The following PKD1L1 variants were observed in gnomAD, a reference collection of about 807,000 sequenced individuals.
The protein encoded by PKD1L1 is polycystin-1-like protein 1.
PKD1L1 carries 236 observed loss-of-function variants against 323.4 expected under a neutral mutation model. That is an observed-to-expected ratio of 0.73 (90% CI 0.66 to 0.81). The LOEUF (loss-of-function observed/expected upper bound fraction) is 0.81, where lower values mean the gene tolerates loss of function less well. PKD1L1 is among the 40% of genes least tolerant of loss of function. The pLI is 0.00. For synonymous variants in PKD1L1, 1,344 were observed against 1,335.0 expected (o/e 1.01, Z -0.15); for missense variants, 3,320 against 3,508.0 (o/e 0.95, Z 1.35).
intron 21 of PKD1L1, among the ~76,000 whole-genome samples, chr7:47,880,284 A>ATATATATATTTTTTTTTTTTT (rs1225214936): frequency 3.5e-5 from 2 of 56,816 alleles, no homozygotes; most frequent in African/African-American, 1.1e-4. Context: ...ATATATATAT[A>ATATATATATTTTTTTTTTTTT]TTTTTTTTTT....
At chr7:47,928,130 T>A (rs1283013045) in intron 7 of PKD1L1, among the ~76,000 whole-genome samples, 1 of 152,258 alleles carries the variant, frequency 6.6e-6, no homozygotes, top group African/African-American at 2.4e-5. Context: ...ACACTTATAC[T>A]TGTTTATACA....
intron 46 of PKD1L1, chr7:47,819,516 C>G: frequency 7.4e-7 from 1 of 1,344,078 alleles, no homozygotes; most frequent in Non-Finnish European, 9.9e-7. Context: ...GCACCACCTA[C>G]TGGCACAGGC....
chr7:47,776,916 G>T (rs1303722883), intron 56 of PKD1L1, among the ~76,000 whole-genome samples: 1 of 151,834 alleles, frequency 6.6e-6, no homozygotes, highest in East Asian at 1.9e-4. Flanking sequence ...TTTTGAGAAG[G>T]AGTCTTGCTC....
At position 47,780,385 on chromosome 7, in the gene PKD1L1, A is replaced by G. The variant is rs1177323833; in HGVS notation, c.8527-5219T>C. ...TGTGGCTCATGCCTGTAATCCCAGC[A>G]TTTTAGGAGGCTGAGGTGGGTGGAT... On this transcript the variant is annotated intron_variant, in intron 56 of 56. Coordinates refer to ENST00000289672, the MANE Select transcript of PKD1L1 (RefSeq NM_138295.5). Among the ~76,000 whole-genome samples, 5 of 152,242 alleles carry G rather than the reference A, an allele frequency of 3.3e-5. No homozygotes were observed. In the East Asian group the frequency reaches 9.6e-4, roughly 29 times the overall value.
At chr7:47,807,651 C>T (rs1784809050) in intron 52 of PKD1L1, among the ~76,000 whole-genome samples, 1 of 152,126 alleles carries the variant, frequency 6.6e-6, no homozygotes, top group South Asian at 2.1e-4. Flanking sequence ...GGGATCCTGC[C>T]CCATCTCATC....
intron 2 of PKD1L1, among the ~76,000 whole-genome samples, 169 bp downstream of exon 2, chr7:47,943,227 T>C (rs1788033925): frequency 6.7e-6 from 1 of 150,126 alleles, no homozygotes; most frequent in African/African-American, 2.4e-5. Context: ...ATGTGGACTA[T>C]TTAAGTTAGA....
At chr7:47,776,139 T>C (rs1320471243) in intron 56 of PKD1L1, among the ~76,000 whole-genome samples, 2 of 152,230 alleles carry the variant, frequency 1.3e-5, no homozygotes, top group Non-Finnish European at 2.9e-5. Flanking sequence ...ATAGATAAGC[T>C]GTATAGTCCT....
intron 6 of PKD1L1, among the ~76,000 whole-genome samples, chr7:47,930,248 C>T (rs533629870): frequency 4.0e-5 from 6 of 151,226 alleles, no homozygotes; most frequent in Non-Finnish European, 8.8e-5. Context: ...TTCCAGTGTG[C>T]TGTGCATGTC....
chr7:47,952,369 G>C (rs1244116034), upstream of PKD1L1, among the ~76,000 whole-genome samples: 3 of 152,174 alleles, frequency 2.0e-5, no homozygotes, highest in African/African-American at 7.2e-5. Context: ...ATTCAAATCA[G>C]GGGTGGCTTT....
intron 56 of PKD1L1, among the ~76,000 whole-genome samples, chr7:47,779,892 A>G (rs982496135): frequency 1.3e-5 from 2 of 152,198 alleles, no homozygotes; most frequent in Non-Finnish European, 2.9e-5. Flanking sequence ...CAGAAAGAGC[A>G]CTTGTTATGC....
intron 21 of PKD1L1, among the ~76,000 whole-genome samples, chr7:47,878,407 G>T (rs9918571): frequency 0.36 from 55,117 of 152,066 alleles, 11,354 homozygotes; most frequent in African/African-American, 0.56. Context: ...ATGGATTATA[G>T]AAATGAAATT....
the PKD1L1 span, among the ~76,000 whole-genome samples, chr7:47,958,239 A>C: frequency 2.0e-5 from 3 of 152,250 alleles, no homozygotes; most frequent in Non-Finnish European, 4.4e-5. Context: ...ACTGGTATAA[A>C]AACAGATAGA....
rs575902202 is a variant in PKD1L1 at position 47,946,017 on chromosome 7, TA to T, written c.44+2379del. Among the ~76,000 whole-genome samples, 1 of 151,706 alleles carries T rather than the reference TA, an allele frequency of 6.6e-6. No individual in the cohort carries two copies. Among genetic ancestry groups the T allele is most frequent in the Non-Finnish European group, 1.5e-5 (1 of 67,870 alleles). On this transcript the variant is annotated intron_variant, in intron 1 of 56. Coordinates refer to ENST00000289672, the MANE Select transcript of PKD1L1 (RefSeq NM_138295.5). The surrounding 1 kb of genome is among the most constrained non-coding windows in gnomAD (Gnocchi z 4.1). The stretch of plus-strand genomic sequence containing the variant: ...TTGAGATTTCAGAGGTCTTTTCAAA[TA>T]AAAAAAATGGAAGGGGGAGATAATT...
chr7:47,929,191 C>CCATG lies in PKD1L1; in HGVS notation c.1060+9_1060+12dup. The CCATG allele has an allele frequency of 1.9e-6, 3 of 1,611,468 alleles. No homozygotes were observed. The highest frequency in any genetic ancestry group is 2.5e-6 in the Non-Finnish European group (3 of 1,178,218). On this transcript the variant is annotated intron_variant, in intron 7 of 56. Coordinates refer to ENST00000289672, the MANE Select transcript of PKD1L1 (RefSeq NM_138295.5). ...CCTTCCCAGGCTCCTGATAAGGACA[C>CCATG]CATGCACCTTACCTTTTGAGTACTG...
At chr7:47,876,665 G>A (rs1786409702) in intron 22 of PKD1L1, among the ~76,000 whole-genome samples, 5 of 152,170 alleles carry the variant, frequency 3.3e-5, no homozygotes, top group African/African-American at 1.2e-4. Context: ...TACAGAAGGG[G>A]TCAGGCAGAA....
At chr7:47,922,684 C>A (rs1390807093) in intron 7 of PKD1L1, among the ~76,000 whole-genome samples, 1 of 151,474 alleles carries the variant, frequency 6.6e-6, no homozygotes, top group Admixed American at 6.6e-5. Flanking sequence ...GCAGCTGCCC[C>A]GTCTGGGAAG....
At chr7:47,846,790 C>G in intron 32 of PKD1L1, 89 bp downstream of exon 32, 12 of 1,220,664 alleles carry the variant, frequency 9.8e-6, no homozygotes, top group Non-Finnish European at 1.4e-5. Flanking sequence ...GGACAAGGTT[C>G]AGGAAAGGCT....
rs1418347749 is a variant in PKD1L1, at chr7:47,775,095, G to C, written c.*48C>G. 1 of 1,599,456 alleles carries C rather than the reference G, an allele frequency of 6.3e-7. No homozygotes were observed. The highest frequency in any genetic ancestry group is 1.7e-5 in the Admixed American group (1 of 58,158). On this transcript the variant is annotated 3_prime_UTR_variant, in exon 57 of 57. Transcript: ENST00000289672. ...GTCTGCTAAAATTGGCTGTTGGGTG[G>C]GTTAAGCAAAACAGGGTCCATAGTG...
At chr7:47,807,890 G>A (rs1374601115) in intron 52 of PKD1L1, among the ~76,000 whole-genome samples, 3 of 152,084 alleles carry the variant, frequency 2.0e-5, no homozygotes, top group African/African-American at 4.8e-5. Flanking sequence ...TATGACTGTC[G>A]CCAGAATGAA....
Sources: gnomAD v4.1 joint callset for allele counts (sites outside exome capture counted in the v4.1 genomes callset) on GRCh38, gnomAD v4.1.1 for gene constraint, Gnocchi (gnomAD v3.1) non-coding constraint, MANE v1.5 for transcripts, NCBI Gene and HGNC (gene_info 2026-07-23, HGNC 2026-07-21) for gene names.